The following LHPP variants were observed in gnomAD, a reference collection of about 807,000 sequenced individuals.
LHPP encodes hLHPP.
A neutral mutation model predicts 30.3 loss-of-function variants in LHPP; 24 were observed. The observed-to-expected ratio is 0.79, with a 90% CI of 0.57 to 1.11. LHPP has a LOEUF of 1.11. LHPP is among the 50% of genes most tolerant of loss of function. The pLI, the probability that LHPP is intolerant of heterozygous loss-of-function variation, is 0.00. For missense variants in LHPP, 356 were observed against 367.2 expected, an observed-to-expected ratio of 0.97 and a Z score of 0.25; for synonymous variants, 150 against 157.1, an observed-to-expected ratio of 0.95 and a Z score of 0.34.
rs1948908290 is a variant in LHPP, at chr10:124,593,666, T to C, written c.717-19598T>C. On this transcript the variant is annotated intron_variant, in intron 6 of 6. Coordinates refer to ENST00000368842, the MANE Select transcript of LHPP (RefSeq NM_022126.4). The surrounding 1 kb of genome is among the most constrained non-coding windows in gnomAD (Gnocchi z 4.9). ...CCAGGGCACTCTATCCAGAGGGTGG[T>C]GGACCCAAACGCGACGTCCCCAGTG... Among the ~76,000 whole-genome samples the C allele has an allele frequency of 6.6e-6, 1 of 152,190 alleles. No individual in the cohort carries two copies. The highest frequency in any genetic ancestry group is 1.5e-5 in the Non-Finnish European group (1 of 68,024).
intron 4 of LHPP, 85 bp downstream of exon 4, chr10:124,497,109 CTTAA>C (rs1953738850): frequency 1.8e-6 from 2 of 1,082,960 alleles, no homozygotes; most frequent in Non-Finnish European, 2.8e-6. Context: ...AGAGGCTGTG[CTTAA>C]TTAACGTACA....
chr10:124,598,348 G>A (rs34924279), intron 6 of LHPP, among the ~76,000 whole-genome samples: 21,608 of 152,286 alleles, frequency 0.14, 1,707 homozygotes, highest in Non-Finnish European at 0.17. Context: ...AGGCACAGCC[G>A]CTACACAGGT....
chr10:124,522,721 A>ACCCCC (rs1954637762), intron 6 of LHPP, among the ~76,000 whole-genome samples: 1 of 121,144 alleles, frequency 8.3e-6, no homozygotes, highest in Non-Finnish European at 1.8e-5. Context: ...ACTGCTGCCC[A>ACCCCC]CGCCCCCCCC....
intron 6 of LHPP, among the ~76,000 whole-genome samples, chr10:124,563,093 G>C (rs945290422): frequency 6.6e-6 from 1 of 152,108 alleles, no homozygotes; most frequent in Non-Finnish European, 1.5e-5. Flanking sequence ...ATGTAAAACT[G>C]TCACATGACT....
rs1291742798 is a variant in LHPP at position 124,593,973 on chromosome 10, C to T, written c.717-19291C>T. ...GGGCTGCAGAATACCCTTGACCTTT[C>T]AGCATCCTCAGTACCTCTGTGGAGT... On this transcript the variant is annotated intron_variant, in intron 6 of 6. Coordinates refer to ENST00000368842, the MANE Select transcript of LHPP (RefSeq NM_022126.4). This position sits in a 1 kb window ranked among gnomAD's most constrained non-coding sequence, Gnocchi z 4.9. Among the ~76,000 whole-genome samples, 1 of 152,242 alleles carries T rather than the reference C, an allele frequency of 6.6e-6. No homozygotes were observed. The highest frequency in any genetic ancestry group is 1.5e-5 in the Non-Finnish European group (1 of 68,050).
At chr10:124,531,835 C>T (rs1954908537) in intron 6 of LHPP, among the ~76,000 whole-genome samples, 1 of 152,206 alleles carries the variant, frequency 6.6e-6, no homozygotes, top group South Asian at 2.1e-4. Flanking sequence ...TGCGATGTCC[C>T]ACTTTCATCT....
chr10:124,467,613 T>C (rs1423144345), intron 1 of LHPP, among the ~76,000 whole-genome samples: 5 of 149,798 alleles, frequency 3.3e-5, no homozygotes, highest in Non-Finnish European at 4.5e-5. Context: ...GACCTCCTCC[T>C]AGGCTCAAAA....
At chr10:124,601,626 G>A (rs1305405479) in intron 6 of LHPP, among the ~76,000 whole-genome samples, 5 of 152,250 alleles carry the variant, frequency 3.3e-5, no homozygotes, top group African/African-American at 7.2e-5. Context: ...TGAGAACCGC[G>A]CAGGAAATAG....
chr10:124,467,963 G>C (rs1251260172), intron 1 of LHPP, among the ~76,000 whole-genome samples: 1 of 152,112 alleles, frequency 6.6e-6, no homozygotes, highest in Non-Finnish European at 1.5e-5. Flanking sequence ...ACTCGCCTGG[G>C]CCTCCCAAAG....
intron 6 of LHPP, among the ~76,000 whole-genome samples, chr10:124,552,447 G>T (rs1589858076): frequency 6.6e-6 from 1 of 152,222 alleles, no homozygotes; most frequent in Admixed American, 6.5e-5. Context: ...TCCACATGGA[G>T]CTGTCTAAAG....
At chr10:124,604,822 C>A (rs1163270567) in intron 6 of LHPP, among the ~76,000 whole-genome samples, 1 of 152,230 alleles carries the variant, frequency 6.6e-6, no homozygotes, top group Non-Finnish European at 1.5e-5. Context: ...GACAGGGATA[C>A]CTGCCCCTCC....
At chr10:124,513,790 TA>T (rs113227798) in intron 5 of LHPP, among the ~76,000 whole-genome samples, 2,323 of 143,796 alleles carry the variant, frequency 0.016, 19 homozygotes, top group South Asian at 0.028. Context: ...TTATTTATAT[TA>T]AAAAAAAAAA....
At chr10:124,490,095 T>G (rs192793610) in intron 3 of LHPP, 1 of 172,086 alleles carries the variant, frequency 5.8e-6, no homozygotes, top group Admixed American at 6.4e-5. Context: ...TTTGTGAGTG[T>G]CTCTGTCTGT....
In LHPP at chr10:124,478,811, G is replaced by C. The variant is rs1953036032; in HGVS notation, c.126-5328G>C. Among the ~76,000 whole-genome samples the C allele has an allele frequency of 6.6e-6, 1 of 152,246 alleles. No homozygotes were observed. Among genetic ancestry groups the C allele is most frequent in the Non-Finnish European group, 1.5e-5 (1 of 68,046 alleles). On this transcript the variant is annotated intron_variant, in intron 1 of 6. Transcript: ENST00000368842. This position sits in a 1 kb window ranked among gnomAD's most constrained non-coding sequence, Gnocchi z 4.7. The stretch of plus-strand genomic sequence containing the variant: ...AGGCCGGGTGCCATGGCTCACGCCT[G>C]TAATTCCAGCACTTTGGGAGGCCGA...
intron 1 of LHPP, among the ~76,000 whole-genome samples, 169 bp downstream of exon 1, chr10:124,462,156 A>G (rs1952421599): frequency 1.3e-5 from 2 of 151,866 alleles, no homozygotes. Flanking sequence ...GGACGACCCC[A>G]CTGTTGCCCC....
At chr10:124,599,180 C>G (rs1948990979) in intron 6 of LHPP, among the ~76,000 whole-genome samples, 1 of 151,510 alleles carries the variant, frequency 6.6e-6, no homozygotes. Context: ...ATCCACTCAT[C>G]CCACCCACCC....
chr10:124,471,419 T>A (rs1252163061), intron 1 of LHPP, among the ~76,000 whole-genome samples: 13 of 19,226 alleles, frequency 6.8e-4, no homozygotes, highest in African/African-American at 1.3e-3. Context: ...ATTTATATAT[T>A]ATATATATAT....
At chr10:124,534,680 C>T (rs1375837851) in intron 6 of LHPP, among the ~76,000 whole-genome samples, 3 of 152,192 alleles carry the variant, frequency 2.0e-5, no homozygotes, top group Admixed American at 1.3e-4. Flanking sequence ...TGTGAGCGCC[C>T]GTCCTTCCCG....
chr10:124,470,741 AC>A (rs1952707260), intron 1 of LHPP, among the ~76,000 whole-genome samples: 2 of 152,066 alleles, frequency 1.3e-5, no homozygotes, highest in South Asian at 4.2e-4. Flanking sequence ...GCCTCATCCA[AC>A]CCCCACACGC....
Sources: gnomAD v4.1 joint callset for allele counts (sites outside exome capture counted in the v4.1 genomes callset) on GRCh38, gnomAD v4.1.1 for gene constraint, Gnocchi (gnomAD v3.1) non-coding constraint, MANE v1.5 for transcripts, NCBI Gene and HGNC (gene_info 2026-07-23, HGNC 2026-07-21) for gene names.